Variants in CNTLN observed in about 807,000 individuals in gnomAD.
CNTLN encodes centlein, centrosomal protein.
CNTLN carries 212 observed loss-of-function variants against 180.0 expected under a neutral mutation model. The ratio of observed to expected loss-of-function variants is 1.18; its 90% CI spans 1.05 to 1.32. CNTLN has a LOEUF of 1.32. Ranked by LOEUF, CNTLN falls within the 40% of genes most tolerant of loss-of-function variation. The pLI, the probability that CNTLN is intolerant of heterozygous loss-of-function variation, is 0.00. For synonymous variants in CNTLN, 722 were observed against 563.1 expected, an observed-to-expected ratio of 1.28 and a Z score of -3.99; for missense variants, 2,095 against 1,610.9, an observed-to-expected ratio of 1.30 and a Z score of -5.14.
chr9:17,297,335 G>A (rs953593456), intron 6 of CNTLN, among the ~76,000 whole-genome samples: 1 of 151,824 alleles, frequency 6.6e-6, no homozygotes, highest in Non-Finnish European at 1.5e-5. Context: ...ATTCAAAGTG[G>A]GTCTTGAAAC....
intron 3 of CNTLN, among the ~76,000 whole-genome samples, chr9:17,231,508 C>T (rs893423053): frequency 2.5e-4 from 38 of 152,030 alleles, no homozygotes; most frequent in African/African-American, 8.9e-4. Flanking sequence ...GCTTTGATAG[C>T]ATGACTTATG....
intron 13 of CNTLN, among the ~76,000 whole-genome samples, chr9:17,382,190 T>G (rs1435727470): frequency 6.6e-6 from 1 of 152,230 alleles, no homozygotes; most frequent in Non-Finnish European, 1.5e-5. Context: ...GCATCTAGAA[T>G]GGAGTAAATG....
chr9:17,433,576 G>A (rs551367543), intron 18 of CNTLN, among the ~76,000 whole-genome samples: 19 of 151,576 alleles, frequency 1.3e-4, no homozygotes, highest in African/African-American at 3.1e-4. Flanking sequence ...GTGAGCCACC[G>A]CGCCCAGCCC....
chr9:17,305,299 G>A (rs1818631623), intron 7 of CNTLN, among the ~76,000 whole-genome samples: 2 of 152,088 alleles, frequency 1.3e-5, no homozygotes, highest in Admixed American at 1.3e-4. Context: ...AGCATATAAT[G>A]TAATACGTGG....
At chr9:17,154,777 C>T (rs1185514108) in intron 2 of CNTLN, among the ~76,000 whole-genome samples, 1 of 152,172 alleles carries the variant, frequency 6.6e-6, no homozygotes, top group Non-Finnish European at 1.5e-5. Context: ...AATCAGCGCT[C>T]TGTAAAATGG....
intron 12 of CNTLN, among the ~76,000 whole-genome samples, chr9:17,352,967 G>A (rs1188054125): frequency 6.6e-6 from 1 of 152,106 alleles, no homozygotes; most frequent in East Asian, 1.9e-4. Context: ...TCCCTTGGTG[G>A]ACATTTGGGT....
chr9:17,137,917 T>C, intron 1 of CNTLN, among the ~76,000 whole-genome samples: 1 of 152,174 alleles, frequency 6.6e-6, no homozygotes, highest in East Asian at 1.9e-4. Flanking sequence ...TAAAAAAATA[T>C]GGCCCCCTGA....
At position 17,338,337 on chromosome 9, in the gene CNTLN, G is replaced by GGTTTTTTT. The variant is rs369684809; in HGVS notation, c.1645-2490_1645-2489insGTTTTTTT. On this transcript the variant is annotated intron_variant, in intron 10 of 25. Coordinates refer to ENST00000380647, the MANE Select transcript of CNTLN (RefSeq NM_017738.4). ...CTGCTATCACTCCTGGCTAATTTTT[G>GGTTTTTTT]TTTTTTTTTTTTTTTTTTAGAGATG... Among the ~76,000 whole-genome samples the GGTTTTTTT allele has an allele frequency of 2.3e-3, 231 of 100,428 alleles. 3 individuals carry two copies. Among genetic ancestry groups the GGTTTTTTT allele is most frequent in the African/African-American group, 8.3e-3 (216 of 25,998 alleles). The allele number at this position is 100,428 out of a possible 152,430, so 65.9% of individuals were successfully genotyped here.
chr9:17,331,805 A>T (rs1386921144), intron 9 of CNTLN, among the ~76,000 whole-genome samples: 2 of 152,080 alleles, frequency 1.3e-5, no homozygotes, highest in Non-Finnish European at 2.9e-5. Context: ...AACTTTATTT[A>T]AATGAAAGAA....
intron 8 of CNTLN, among the ~76,000 whole-genome samples, chr9:17,323,195 C>G (rs985310562): frequency 2.0e-5 from 3 of 151,904 alleles, no homozygotes; most frequent in Non-Finnish European, 4.4e-5. Flanking sequence ...GGGCTTTTAT[C>G]AAAGGAGTTA....
In CNTLN at chr9:17,388,243, C is replaced by G; in HGVS notation, c.2069C>G (p.Thr690Arg). 1 of 1,607,364 alleles carries G rather than the reference C, an allele frequency of 6.2e-7. No homozygotes were observed. Among genetic ancestry groups the G allele is most frequent in the Admixed American group, 1.7e-5 (1 of 59,968 alleles). ...EKNGKEMLEQ[T>R]LQKVTELENR... Reference sequence around the variant, plus strand: ...AATGGAAAAGAAATGTTGGAGCAGACATTACAGAAGGTAGTCTAATCTTTA... The same window carrying G: ...AATGGAAAAGAAATGTTGGAGCAGAGATTACAGAAGGTAGTCTAATCTTTA... The change falls in exon 14 of 26, where the codon ACA becomes AGA. Residue 690 changes from threonine to arginine, a missense_variant. Physicochemically the swap from Thr to Arg is moderately conservative, Grantham distance 71 (BLOSUM62 -1). Coordinates refer to ENST00000380647, the MANE Select transcript of CNTLN (RefSeq NM_017738.4).
chr9:17,290,568 C>T (rs11560481), intron 6 of CNTLN, among the ~76,000 whole-genome samples: 23,354 of 136,482 alleles, frequency 0.17, 3,171 homozygotes, highest in South Asian at 0.33. Flanking sequence ...CTTTGTTTAC[C>T]TAAGGAAGCC....
chr9:17,393,634 G>A (rs1195985354), intron 14 of CNTLN, among the ~76,000 whole-genome samples: 8 of 152,058 alleles, frequency 5.3e-5, no homozygotes, highest in Non-Finnish European at 1.0e-4. Flanking sequence ...CATACCTCAC[G>A]TTTTGAGATG....
intron 23 of CNTLN, 130 bp from the exon 24 acceptor site, chr9:17,484,165 C>A: frequency 1.4e-6 from 1 of 726,904 alleles, no homozygotes; most frequent in Non-Finnish European, 2.3e-6. Flanking sequence ...CACTATATTC[C>A]AGAGTAATTA....
At chr9:17,309,580 G>T (rs1818982349) in intron 8 of CNTLN, among the ~76,000 whole-genome samples, 1 of 52,202 alleles carries the variant, frequency 1.9e-5, no homozygotes, top group South Asian at 4.4e-4. Context: ...TAATGGAATA[G>T]AAAGTATCTA....
intron 13 of CNTLN, among the ~76,000 whole-genome samples, chr9:17,370,222 G>A (rs576050848): frequency 1.6e-4 from 25 of 152,220 alleles, no homozygotes; most frequent in African/African-American, 5.3e-4. Context: ...AGAACACCAA[G>A]CAGGTTTAAC....
chr9:17,253,498 C>T (rs1263049324), intron 5 of CNTLN, among the ~76,000 whole-genome samples: 2 of 151,198 alleles, frequency 1.3e-5, no homozygotes, highest in Non-Finnish European at 3.0e-5. Context: ...TAAATTTAAT[C>T]CCAGATATTT....
intron 19 of CNTLN, among the ~76,000 whole-genome samples, chr9:17,462,688 TA>T (rs1468282147): frequency 6.6e-6 from 1 of 151,726 alleles, no homozygotes; most frequent in Non-Finnish European, 1.5e-5. Flanking sequence ...TTGCAATTCT[TA>T]AATGATTGTG....
chr9:17,374,094 C>A (rs9644816), intron 13 of CNTLN, among the ~76,000 whole-genome samples: 7,085 of 152,112 alleles, frequency 0.047, 217 homozygotes, highest in South Asian at 0.14. Context: ...GCACAGGCAA[C>A]CAAAGCAGAA....
Sources: gnomAD v4.1 joint callset for allele counts (sites outside exome capture counted in the v4.1 genomes callset) on GRCh38, gnomAD v4.1.1 for gene constraint, MANE v1.5 for transcripts, NCBI Gene and HGNC (gene_info 2026-07-23, HGNC 2026-07-21) for gene names.